Variants in CHSY3 observed in about 807,000 individuals in gnomAD.
CHSY3 encodes chondroitin sulfate synthase 3.
A neutral mutation model predicts 67.2 loss-of-function variants in CHSY3; 35 were observed. The observed-to-expected ratio is 0.52, with a 90% CI of 0.40 to 0.69. The LOEUF is 0.69. Ranked by LOEUF, CHSY3 falls within the 30% of genes least tolerant of loss-of-function variation. CHSY3 has a pLI of 0.00. For missense variants in CHSY3, 1,069 were observed against 1,138.5 expected, an observed-to-expected ratio of 0.94 and a Z score of 0.88; for synonymous variants, 474 against 434.7, an observed-to-expected ratio of 1.09 and a Z score of -1.12.
intron 2 of CHSY3, among the ~76,000 whole-genome samples, chr5:130,137,468 A>G (rs1768702024): frequency 6.6e-6 from 1 of 152,138 alleles, no homozygotes; most frequent in Non-Finnish European, 1.5e-5. Flanking sequence ...GAAGCACTAT[A>G]TTATATATAT....
At chr5:129,957,024 G>T (rs1053058279) in intron 2 of CHSY3, among the ~76,000 whole-genome samples, 2 of 151,878 alleles carry the variant, frequency 1.3e-5, no homozygotes, top group African/African-American at 4.8e-5. Context: ...AGTTTAATAG[G>T]AATAGCATTG....
chr5:130,139,910 A>G (rs1353640915), intron 2 of CHSY3: 1 of 152,326 alleles, frequency 6.6e-6, no homozygotes, highest in Non-Finnish European at 1.5e-5. Flanking sequence ...CTATCAAGTC[A>G]AGTACACTGA....
At chr5:130,147,586 C>T (rs777930649) in intron 2 of CHSY3, among the ~76,000 whole-genome samples, 21 of 152,138 alleles carry the variant, frequency 1.4e-4, no homozygotes, top group Non-Finnish European at 2.8e-4. Context: ...GAAATACCTA[C>T]GACTGGGTAA....
rs201696117 is a variant in CHSY3, at chr5:130,025,305, CAA to C, written c.1086+116947_1086+116948del. Among the ~76,000 whole-genome samples the C allele has an allele frequency of 5.1e-4, 77 of 152,192 alleles. No individual in the cohort carries two copies. In the East Asian group the frequency reaches 0.014, roughly 27 times the overall value. ...GAAATTAGCCATATGAAAAATCCAG[CAA>C]AGAGTGTTCTGTGCAAAAGAAGCAA... is the stretch of plus-strand genomic sequence containing the variant. On this transcript the variant is annotated intron_variant, in intron 2 of 2. Coordinates refer to ENST00000305031, the MANE Select transcript of CHSY3 (RefSeq NM_175856.5).
At chr5:130,174,087 G>T (rs944199282) in intron 2 of CHSY3, among the ~76,000 whole-genome samples, 1 of 151,924 alleles carries the variant, frequency 6.6e-6, no homozygotes. Context: ...TATTTGCAAA[G>T]CAAATTACTG....
chr5:130,037,996 GGTAA>G (rs1179329699), intron 2 of CHSY3, among the ~76,000 whole-genome samples: 1 of 152,000 alleles, frequency 6.6e-6, no homozygotes, highest in African/African-American at 2.4e-5. Flanking sequence ...GTGAGAGGAT[GGTAA>G]GTGAGATAAA....
chr5:129,911,131 G>C (rs1760530790), intron 2 of CHSY3, among the ~76,000 whole-genome samples: 1 of 151,614 alleles, frequency 6.6e-6, no homozygotes, highest in East Asian at 1.9e-4. Flanking sequence ...CGTGCTTACA[G>C]ATCTTATAAA....
chr5:129,909,715 T>C (rs983121500), intron 2 of CHSY3, among the ~76,000 whole-genome samples: 6 of 152,044 alleles, frequency 3.9e-5, no homozygotes, highest in African/African-American at 1.4e-4. Flanking sequence ...ATTTCTTCCT[T>C]TGTTATAAAA....
chr5:130,118,141 C>T (rs1212915276), intron 2 of CHSY3, among the ~76,000 whole-genome samples: 2 of 152,140 alleles, frequency 1.3e-5, no homozygotes, highest in African/African-American at 2.4e-5. Flanking sequence ...GAGCAGCTGC[C>T]AGCACCACAC....
intron 2 of CHSY3, among the ~76,000 whole-genome samples, chr5:130,023,975 T>A (rs890791886): frequency 6.6e-6 from 1 of 151,928 alleles, no homozygotes; most frequent in African/African-American, 2.4e-5. Context: ...GAACTACTTA[T>A]CACATTTTCC....
chr5:130,061,361 G>A (rs1765708111), intron 2 of CHSY3, among the ~76,000 whole-genome samples: 1 of 152,056 alleles, frequency 6.6e-6, no homozygotes, highest in South Asian at 2.1e-4. Flanking sequence ...CCAGCAATAT[G>A]CAGAGGAATC....
chr5:129,911,554 G>T (rs1760548943), intron 2 of CHSY3, among the ~76,000 whole-genome samples: 1 of 152,052 alleles, frequency 6.6e-6, no homozygotes, highest in African/African-American at 2.4e-5. Context: ...AGTTTTTATT[G>T]TTCTAATGTT....
At chr5:130,027,346 C>T (rs1363007158) in intron 2 of CHSY3, among the ~76,000 whole-genome samples, 1 of 152,014 alleles carries the variant, frequency 6.6e-6, no homozygotes, top group Non-Finnish European at 1.5e-5. Flanking sequence ...AGTAGAGCAC[C>T]TCAACCTCTG....
At chr5:129,950,632 A>C (rs575763153) in intron 2 of CHSY3, among the ~76,000 whole-genome samples, 81 of 152,324 alleles carry the variant, frequency 5.3e-4, no homozygotes, top group African/African-American at 1.8e-3. Context: ...CTAACAGTGA[A>C]ATATCTGAAA....
chr5:130,133,957 A>G (rs1768576357), intron 2 of CHSY3, among the ~76,000 whole-genome samples: 1 of 152,080 alleles, frequency 6.6e-6, no homozygotes, highest in Non-Finnish European at 1.5e-5. Flanking sequence ...ACTATACCAG[A>G]TTATTCTAAC....
intron 2 of CHSY3, among the ~76,000 whole-genome samples, chr5:130,143,816 A>ATGTGTG (rs1561557384): frequency 1.0e-4 from 10 of 100,342 alleles, no homozygotes; most frequent in Non-Finnish European, 2.1e-4. Context: ...GTGTGTATAT[A>ATGTGTG]TATATATATA....
intron 2 of CHSY3, among the ~76,000 whole-genome samples, chr5:130,091,496 T>G (rs1766880197): frequency 6.6e-6 from 1 of 152,188 alleles, no homozygotes; most frequent in African/African-American, 2.4e-5. Flanking sequence ...AGCTTAAATG[T>G]TGGATGGCAG....
chr5:130,100,775 C>T (rs768243728), intron 2 of CHSY3, among the ~76,000 whole-genome samples: 3 of 152,114 alleles, frequency 2.0e-5, no homozygotes, highest in Non-Finnish European at 4.4e-5. Context: ...AAAGAAGGTA[C>T]GTAACTTACA....
At chr5:129,979,615 AC>A (rs1762925801) in intron 2 of CHSY3, among the ~76,000 whole-genome samples, 1 of 152,160 alleles carries the variant, frequency 6.6e-6, no homozygotes, top group Non-Finnish European at 1.5e-5. Flanking sequence ...CTTCATAATT[AC>A]CTAAAGTCTA....
Sources: gnomAD v4.1 joint callset for allele counts (sites outside exome capture counted in the v4.1 genomes callset) on GRCh38, gnomAD v4.1.1 for gene constraint, MANE v1.5 for transcripts, NCBI Gene and HGNC (gene_info 2026-07-23, HGNC 2026-07-21) for gene names.